The following RIMS1 variants were observed in gnomAD, a reference collection of about 807,000 sequenced individuals.
RIMS1 encodes the protein regulating synaptic membrane exocytosis protein 1.
Under a neutral mutation model 214.1 loss-of-function variants are expected in RIMS1, and 83 were observed. That is an observed-to-expected ratio of 0.39 (90% confidence interval 0.32 to 0.47). RIMS1 has a LOEUF of 0.47. Ranked by LOEUF, RIMS1 falls within the 20% of genes least tolerant of loss-of-function variation. The pLI is 0.99. For synonymous variants in RIMS1, 793 were observed against 786.8 expected, an observed-to-expected ratio of 1.01 and a Z score of -0.13; for missense variants, 2,050 against 2,161.8, an observed-to-expected ratio of 0.95 and a Z score of 1.03.
chr6:72,215,778 C>G (rs2055704877), intron 6 of RIMS1, among the ~76,000 whole-genome samples: 2 of 152,060 alleles, frequency 1.3e-5, no homozygotes, highest in African/African-American at 4.8e-5. Context: ...TAAATATGTT[C>G]TTTTAAGAGA....
At chr6:71,933,819 C>G (rs1302670648) in intron 1 of RIMS1, among the ~76,000 whole-genome samples, 4 of 152,002 alleles carry the variant, frequency 2.6e-5, no homozygotes, top group Non-Finnish European at 5.9e-5. Flanking sequence ...AGAGCTGATA[C>G]CATCCAATTA....
At chr6:72,061,807 TA>T (rs1466387897) in intron 2 of RIMS1, among the ~76,000 whole-genome samples, 1 of 152,258 alleles carries the variant, frequency 6.6e-6, no homozygotes, top group Admixed American at 6.5e-5. Flanking sequence ...CCAGTAATTC[TA>T]GAAAAGATTT....
At chr6:71,941,275 C>A (rs1373272299) in intron 1 of RIMS1, among the ~76,000 whole-genome samples, 1 of 151,098 alleles carries the variant, frequency 6.6e-6, no homozygotes, top group African/African-American at 2.4e-5. Flanking sequence ...ATAAAATTTA[C>A]CCACTACTTA....
Position 72,373,039 on chromosome 6 carries a change from G to A in RIMS1, c.4367-17559G>A, listed in dbSNP as rs116255118. On this transcript the variant is annotated intron_variant, in intron 29 of 33. Coordinates refer to ENST00000521978, the MANE Select transcript of RIMS1 (RefSeq NM_014989.7). ...AAGACTTAGAAGTGGAAAAATTAAG[G>A]CTCTAATTTTCATTGTGTTGGTAAG... Among the ~76,000 whole-genome samples, 778 of 152,258 alleles carry A rather than the reference G, an allele frequency of 5.1e-3. 3 individuals carry two copies. Among genetic ancestry groups the A allele is most frequent in the African/African-American group, 0.018 (738 of 41,550 alleles).
At chr6:72,031,140 C>A (rs944044710) in intron 2 of RIMS1, among the ~76,000 whole-genome samples, 1 of 152,012 alleles carries the variant, frequency 6.6e-6, no homozygotes, top group Non-Finnish European at 1.5e-5. Flanking sequence ...GTGATCACTC[C>A]CATGTGACCA....
intron 29 of RIMS1, among the ~76,000 whole-genome samples, chr6:72,341,338 G>C (rs1195053333): frequency 6.6e-6 from 1 of 151,534 alleles, no homozygotes; most frequent in African/African-American, 2.4e-5. Context: ...TAGTTTCCTG[G>C]GATATGAGAA....
chr6:71,964,531 A>G (rs1793890974), intron 1 of RIMS1, among the ~76,000 whole-genome samples: 1 of 152,204 alleles, frequency 6.6e-6, no homozygotes, highest in Non-Finnish European at 1.5e-5. Flanking sequence ...GTCAAATTCT[A>G]CATAAATTTA....
At chr6:72,004,121 T>G (rs867014452) in intron 2 of RIMS1, among the ~76,000 whole-genome samples, 12 of 150,012 alleles carry the variant, frequency 8.0e-5, no homozygotes, top group South Asian at 2.1e-4. Context: ...CATGAGGTGT[T>G]TGGTTTTTTG....
Position 71,959,688 on chromosome 6 carries a change from T to A in RIMS1, c.165-9295T>A, listed in dbSNP as rs374534039. On this transcript the variant is annotated intron_variant, in intron 1 of 33. Transcript: ENST00000521978. ...ACAACGTTGCAATATGGGAAGGGGA[T>A]GTGAATTAAAGACTAATGCTTACAA... 2.0e-5 allele frequency among the ~76,000 whole-genome samples: 3 copies of A among 152,038 alleles called. No individual in the cohort carries two copies. In the East Asian group the frequency reaches 5.8e-4, roughly 29 times the overall value.
intron 18 of RIMS1, among the ~76,000 whole-genome samples, 192 bp downstream of exon 18, chr6:72,259,303 T>C (rs1297667140): frequency 6.6e-6 from 1 of 152,192 alleles, no homozygotes; most frequent in African/African-American, 2.4e-5. Context: ...ATTATATTGT[T>C]ATAATTATCC....
intron 28 of RIMS1, among the ~76,000 whole-genome samples, chr6:72,323,743 T>C (rs1294386795): frequency 2.6e-5 from 4 of 151,514 alleles, no homozygotes; most frequent in African/African-American, 4.8e-5. Flanking sequence ...CAATAATATA[T>C]GTAAGAGAGA....
rs982149443 is a variant in RIMS1, at chr6:72,233,807, G to A, written c.1713G>A (p.Thr571=). The change falls in exon 7 of 34, where the codon ACG becomes ACA. Residue 571 remains threonine (T), a synonymous_variant. Coordinates refer to ENST00000521978, the MANE Select transcript of RIMS1 (RefSeq NM_014989.7). ...DLDYYWLDPA[T]WHSRETSPIS... is the part of the protein sequence containing the mutation. ...ATTATTACTGGTTGGATCCTGCCACGTGGCACAGCCGGGAGACATCACCTA... is the reference window on the plus strand; with the variant it reads ...ATTATTACTGGTTGGATCCTGCCACATGGCACAGCCGGGAGACATCACCTA... The A allele has an allele frequency of 8.2e-6, 13 of 1,581,750 alleles. No homozygotes were observed. The highest frequency in any genetic ancestry group is 1.2e-5 in the South Asian group (1 of 86,634).
At chr6:72,221,289 TGA>T (rs200900105) in intron 6 of RIMS1, among the ~76,000 whole-genome samples, 1 of 144,810 alleles carries the variant, frequency 6.9e-6, no homozygotes, top group African/African-American at 2.6e-5. Context: ...AGATCTGGGG[TGA>T]GTGTGTGTGT....
At chr6:72,188,944 A>G (rs148945661) in intron 6 of RIMS1, among the ~76,000 whole-genome samples, 1 of 152,362 alleles carries the variant, frequency 6.6e-6, no homozygotes, top group African/African-American at 2.4e-5. Context: ...TAAAGGTAGC[A>G]GTGGCCAGGT....
chr6:72,204,129 G>C (rs2052506793), intron 6 of RIMS1, among the ~76,000 whole-genome samples: 1 of 152,138 alleles, frequency 6.6e-6, no homozygotes, highest in South Asian at 2.1e-4. Flanking sequence ...GGATAGCTCT[G>C]TAGTGCTTGG....
rs1328000945 is a variant in RIMS1, at chr6:72,099,996, C to G, written c.471+10C>G. 1 of 1,595,820 alleles carries G rather than the reference C, an allele frequency of 6.3e-7. No individual in the cohort carries two copies. Among genetic ancestry groups the G allele is most frequent in the Non-Finnish European group, 8.6e-7 (1 of 1,164,732 alleles). ...AAAGGAGGACAAAGTGGTTAGAATC[C>G]ATACTTTCTTTTCTATCATTTGTTA... On this transcript the variant is annotated intron_variant, in intron 4 of 33. Coordinates refer to ENST00000521978, the MANE Select transcript of RIMS1 (RefSeq NM_014989.7).
At chr6:72,052,377 C>T (rs180915353) in intron 2 of RIMS1, among the ~76,000 whole-genome samples, 1 of 152,308 alleles carries the variant, frequency 6.6e-6, no homozygotes, top group East Asian at 1.9e-4. Context: ...GTAGAAGGAA[C>T]AGAGTAATAG....
intron 6 of RIMS1, among the ~76,000 whole-genome samples, chr6:72,207,418 A>T (rs2053116194): frequency 6.6e-6 from 1 of 152,172 alleles, no homozygotes; most frequent in Non-Finnish European, 1.5e-5. Context: ...TTGGTATTTT[A>T]AGTCTTATCA....
chr6:72,031,077 A>G (rs1162812302), intron 2 of RIMS1, among the ~76,000 whole-genome samples: 1 of 152,202 alleles, frequency 6.6e-6, no homozygotes, highest in Non-Finnish European at 1.5e-5. Context: ...GACAGTTTTT[A>G]ACATTATATC....
Sources: gnomAD v4.1 joint callset for allele counts (sites outside exome capture counted in the v4.1 genomes callset) on GRCh38, gnomAD v4.1.1 for gene constraint, MANE v1.5 for transcripts, NCBI Gene and HGNC (gene_info 2026-07-23, HGNC 2026-07-21) for gene names.